The following METTL15 variants were observed in gnomAD, a reference collection of about 807,000 sequenced individuals.
METTL15 encodes methyltransferase 15, mitochondrial 12S rRNA N4-cytidine, also known as 12S rRNA N(4)-cytidine methyltransferase METTL15.
METTL15 carries 34 observed loss-of-function variants against 38.3 expected under a neutral mutation model. That is an observed-to-expected ratio of 0.89 (90% confidence interval 0.68 to 1.18). METTL15 has a LOEUF of 1.18. Among genes scored for constraint, METTL15 ranks in the 50% most tolerant of loss-of-function variants. The pLI, the probability that METTL15 is intolerant of heterozygous loss-of-function variation, is 0.00. For synonymous variants in METTL15, 162 were observed against 170.9 expected (o/e 0.95, Z 0.41); for missense variants, 438 against 498.4 (o/e 0.88, Z 1.15).
intron 6 of METTL15, among the ~76,000 whole-genome samples, chr11:28,502,115 G>GA (rs1161572072): frequency 3.0e-5 from 4 of 135,576 alleles, no homozygotes; most frequent in East Asian, 2.1e-4. Context: ...AAAAAAAAAA[G>GA]AAAAAAAAAG....
At chr11:28,325,493 G>A (rs1849606011) in intron 6 of METTL15, among the ~76,000 whole-genome samples, 1 of 152,178 alleles carries the variant, frequency 6.6e-6, no homozygotes, top group Non-Finnish European at 1.5e-5. Context: ...GTACACACCC[G>A]ATGATGTGAA....
Position 28,172,631 on chromosome 11 carries a change from T to A in METTL15, c.271-38431T>A, listed in dbSNP as rs779705979. Among the ~76,000 whole-genome samples, 14 of 152,314 alleles carry A rather than the reference T, an allele frequency of 9.2e-5. No homozygotes were observed. In the East Asian group the frequency reaches 2.7e-3, roughly 29 times the overall value. ...GTCCTCACAGTCACCCAATACATAT[T>A]AAATCCTCATTTTTGAGATAAAGAG... On this transcript the variant is annotated intron_variant, in intron 3 of 6. Transcript: ENST00000407364.
chr11:28,210,799 G>A (rs1347269324), intron 3 of METTL15, among the ~76,000 whole-genome samples: 1 of 151,994 alleles, frequency 6.6e-6, no homozygotes, highest in Non-Finnish European at 1.5e-5. Context: ...ACCTTATAGA[G>A]AGAAATATAA....
Position 28,330,642 on chromosome 11 carries a change from T to A in METTL15, c.1025T>A (p.Phe342Tyr), listed in dbSNP as rs550384480. 6.3e-5 allele frequency: 98 copies of A among 1,551,422 alleles called. 1 individual carries two copies. In the East Asian group the frequency reaches 2.0e-3, roughly 32 times the overall value. Residue 342 changes from phenylalanine to tyrosine, a missense_variant, in exon 7 of 7, where the codon TTT (phenylalanine) becomes TAT (tyrosine). Phe to Tyr is a conservative substitution (Grantham distance 22). Coordinates refer to ENST00000407364, the MANE Select transcript of METTL15 (RefSeq NM_001113528.2). ...FLLGISMTER[F>Y]NLSVRQQVMK... ...CTTGGAATAAGCATGACAGAAAGAT[T>A]TAACCTAAGTGTTAGACAACAAGTG...
chr11:28,509,066 T>C (rs1054556127), intron 6 of METTL15, among the ~76,000 whole-genome samples: 1 of 152,324 alleles, frequency 6.6e-6, no homozygotes, highest in South Asian at 2.1e-4. Flanking sequence ...ACCTTTTCAT[T>C]GACGATAATG....
chr11:28,152,988 T>G (rs1227473015), intron 3 of METTL15, among the ~76,000 whole-genome samples: 6 of 152,064 alleles, frequency 3.9e-5, no homozygotes, highest in African/African-American at 1.4e-4. Context: ...ATTTGCAAAC[T>G]GTCACGGTGC....
intron 6 of METTL15, among the ~76,000 whole-genome samples, chr11:28,303,074 C>G (rs1487280829): frequency 6.6e-6 from 1 of 152,086 alleles, no homozygotes; most frequent in Non-Finnish European, 1.5e-5. Context: ...ATAAAGAAAT[C>G]TGGGTATTTT....
At chr11:28,403,776 AATAATGGC>A (rs1226113506) in intron 5 of METTL15, among the ~76,000 whole-genome samples, 1 of 152,112 alleles carries the variant, frequency 6.6e-6, no homozygotes. Context: ...ATTTTTTGCC[AATAATGGC>A]AAAGCTGTTT....
Position 28,296,769 on chromosome 11 carries a change from A to C in METTL15, c.616A>C (p.Thr206Pro). 1 of 1,613,246 alleles carries C rather than the reference A, an allele frequency of 6.2e-7. No individual in the cohort carries two copies. Among genetic ancestry groups the C allele is most frequent in the Non-Finnish European group, 8.5e-7 (1 of 1,179,568 alleles). Reference sequence around the variant, plus strand: ...TGTGCGTAGGTACCCTGACATGCCCACTGCTGCTGATGTTGTGAATGCTTT... The same window carrying C: ...TGTGCGTAGGTACCCTGACATGCCCCCTGCTGCTGATGTTGTGAATGCTTT... Reference protein sequence around the residue: ...MDGGRYPDMPTAADVVNALDQ... With the variant: ...MDGGRYPDMPPAADVVNALDQ... Residue 206 changes from threonine to proline, a missense_variant, in exon 6 of 7, where the codon ACT (threonine) becomes CCT (proline). Physicochemically the swap from Thr to Pro is conservative, Grantham distance 38 (BLOSUM62 -1). Transcript: ENST00000407364.
At chr11:28,200,882 C>T (rs1197774409) in intron 3 of METTL15, among the ~76,000 whole-genome samples, 2 of 152,010 alleles carry the variant, frequency 1.3e-5, no homozygotes, top group Admixed American at 1.3e-4. Context: ...TCTCTTCCTG[C>T]TTGAATCCCC....
chr11:28,366,038 A>G (rs1850182555), intron 5 of METTL15, among the ~76,000 whole-genome samples: 1 of 152,318 alleles, frequency 6.6e-6, no homozygotes, highest in South Asian at 2.1e-4. Context: ...TGACAAAGTG[A>G]GACTCTGTCT....
intron 6 of METTL15, among the ~76,000 whole-genome samples, chr11:28,501,422 T>C (rs1851581893): frequency 6.6e-6 from 1 of 152,126 alleles, no homozygotes; most frequent in African/African-American, 2.4e-5. Flanking sequence ...ACCACCCTTA[T>C]CTCCCATGAA....
chr11:28,391,917 T>A (rs188899959), intron 5 of METTL15, among the ~76,000 whole-genome samples: 3 of 152,330 alleles, frequency 2.0e-5, no homozygotes, highest in Admixed American at 2.0e-4. Context: ...AAGGACTTCA[T>A]GTCTAAAATA....
chr11:28,293,259 C>T (rs1043434168), intron 5 of METTL15, among the ~76,000 whole-genome samples: 2 of 152,184 alleles, frequency 1.3e-5, no homozygotes, highest in East Asian at 1.9e-4. Flanking sequence ...GATCCAGTTT[C>T]AGCTTTCTAC....
At chr11:28,306,963 A>G (rs952791604) in intron 6 of METTL15, among the ~76,000 whole-genome samples, 1 of 151,966 alleles carries the variant, frequency 6.6e-6, no homozygotes, top group African/African-American at 2.4e-5. Context: ...GAATTTTTAA[A>G]ATAGGAATTT....
chr11:28,525,878 A>G (rs553396041), intron 6 of METTL15, among the ~76,000 whole-genome samples: 26 of 152,334 alleles, frequency 1.7e-4, no homozygotes, highest in Admixed American at 1.5e-3. Flanking sequence ...CTCAGGCCAC[A>G]CAGGAGCCCA....
At chr11:28,380,151 C>T (rs956631733) in intron 5 of METTL15, among the ~76,000 whole-genome samples, 23 of 146,602 alleles carry the variant, frequency 1.6e-4, no homozygotes, top group Non-Finnish European at 1.8e-4. Flanking sequence ...GTTCTTTATC[C>T]ATTCAGCCAC....
intron 5 of METTL15, among the ~76,000 whole-genome samples, chr11:28,397,340 C>T (rs1487429418): frequency 6.6e-6 from 1 of 152,092 alleles, no homozygotes. Flanking sequence ...GCAATCTACT[C>T]ATCTGACAAA....
intron 3 of METTL15, among the ~76,000 whole-genome samples, chr11:28,177,250 C>T (rs1311958657): frequency 6.6e-6 from 1 of 151,966 alleles, no homozygotes; most frequent in East Asian, 1.9e-4. Context: ...GAATTAGCAT[C>T]TGACATTTTA....
Sources: allele counts gnomAD v4.1 joint callset (sites outside exome capture counted in the v4.1 genomes callset), GRCh38; gene constraint gnomAD v4.1.1; transcripts MANE v1.5; gene names NCBI Gene and HGNC (gene_info 2026-07-23, HGNC 2026-07-21).